The following TOMM34 variants were observed in gnomAD, a reference collection of about 807,000 sequenced individuals.
TOMM34 encodes mitochondrial import receptor subunit TOM34.
Under a neutral mutation model 37.4 loss-of-function variants are expected in TOMM34, and 24 were observed. The observed-to-expected ratio is 0.64, with a 90% CI of 0.46 to 0.90. TOMM34 has a LOEUF of 0.90. Among genes scored for constraint, TOMM34 ranks in the 40% least tolerant of loss-of-function variants. The pLI is 0.00. For synonymous variants in TOMM34, 154 were observed against 148.9 expected, an observed-to-expected ratio of 1.03 and a Z score of -0.25; for missense variants, 304 against 375.6, an observed-to-expected ratio of 0.81 and a Z score of 1.58.
intron 5 of TOMM34, 46 bp from the exon 6 acceptor site, chr20:44,943,625 C>T (rs1314430702): frequency 6.2e-7 from 1 of 1,611,548 alleles, no homozygotes; most frequent in Non-Finnish European, 8.5e-7. Context: ...GTCTTATGGG[C>T]CACCCACATG....
chr20:44,948,874 G>T lies in TOMM34; in HGVS notation c.554C>A (p.Pro185His). 6.2e-7 allele frequency: 1 copy of T among 1,613,644 alleles called. No individual in the cohort carries two copies. Among genetic ancestry groups the T allele is most frequent in the East Asian group, 2.2e-5 (1 of 44,866 alleles). Residue 185 changes from proline to histidine, a missense_variant, in exon 5 of 7, where the codon CCT becomes CAT. Physicochemically the swap from Pro to His is moderately conservative, Grantham distance 77 (BLOSUM62 -2). Coordinates refer to ENST00000372813, the MANE Select transcript of TOMM34 (RefSeq NM_006809.5). ...GGCTTTCTCCACATCCCCAGCAGAAGGCACTAGATACAAATTCAGAAGAGG... is the reference window on the plus strand; with the variant it reads ...GGCTTTCTCCACATCCCCAGCAGAATGCACTAGATACAAATTCAGAAGAGG... ...KETTATKNRVPSAGDVEKARV... is the reference protein window; with the variant it reads ...KETTATKNRVHSAGDVEKARV...
intron 2 of TOMM34, chr20:44,955,488 A>G (rs1191786878): frequency 1.7e-6 from 1 of 583,802 alleles, no homozygotes; most frequent in South Asian, 1.5e-5. Flanking sequence ...CCCAAAATCA[A>G]GAACAAAAGC....
At chr20:44,955,613 T>C (rs1370946234) in intron 2 of TOMM34, 1 of 459,406 alleles carries the variant, frequency 2.2e-6, no homozygotes, top group East Asian at 6.9e-5. Context: ...GCTAACTATG[T>C]GACCCAGGTA....
Position 44,955,448 on chromosome 20 carries a change from AC to A in TOMM34, c.228-229del, listed in dbSNP as rs1298304124. ...CATGAATTTTGTTAAATGTGTGTGC[AC>A]ATGCATCAATTTTCATAGTTTCAGT... On this transcript the variant is annotated intron_variant, in intron 2 of 6. Transcript: ENST00000372813. The A allele has an allele frequency of 1.2e-5, 8 of 655,322 alleles. No individual in the cohort carries two copies. In the East Asian group the frequency reaches 2.4e-4, roughly 20 times the overall value. 40.6% of individuals were successfully genotyped at this position (655,322 alleles called of 1,614,324 possible).
At position 44,951,746 on chromosome 20, in the gene TOMM34, C is replaced by T. The variant is rs2067028083; in HGVS notation, c.550+87G>A. 2.7e-6 allele frequency: 4 copies of T among 1,482,656 alleles called. No homozygotes were observed. The African/African-American group carries it at 5.6e-5, about 21-fold the overall frequency. The allele number at this position is 1,482,656 out of a possible 1,614,324, so 91.8% of individuals were successfully genotyped here. ...TCCTAAGATTATTTTTATAACTCAG[C>T]TAAACAATGCCAATTTTTGCAGGAC... On this transcript the variant is annotated intron_variant, in intron 4 of 6. Transcript: ENST00000372813.
In TOMM34 at chr20:44,960,381, G is replaced by A; in HGVS notation, c.-48C>T. The stretch of plus-strand genomic sequence containing the variant: ...GGGAGCTCCTTCCTTCCTCCCCCGT[G>A]TGGTGCGGCACACCTTCCGGGCGCA... On this transcript the variant is annotated 5_prime_UTR_variant, in exon 1 of 7. Coordinates refer to ENST00000372813, the MANE Select transcript of TOMM34 (RefSeq NM_006809.5). 6.7e-7 allele frequency: 1 copy of A among 1,495,560 alleles called. No homozygotes were observed. The highest frequency in any genetic ancestry group is 8.9e-7 in the Non-Finnish European group (1 of 1,117,724). The allele number at this position is 1,495,560 out of a possible 1,614,324, so 92.6% of individuals were successfully genotyped here.
intron 1 of TOMM34, chr20:44,959,834 T>G (rs76788628): frequency 0.027 from 20,709 of 763,282 alleles, 304 homozygotes; most frequent in Non-Finnish European, 0.031. Context: ...AAGACTCACG[T>G]CCTCCCCACC....
Position 44,960,365 on chromosome 20 carries a change from T to C in TOMM34, c.-32A>G. On this transcript the variant is annotated 5_prime_UTR_variant, in exon 1 of 7. Coordinates refer to ENST00000372813, the MANE Select transcript of TOMM34 (RefSeq NM_006809.5). ...GCCAGGCCGGCGAGTTGGGAGCTCC[T>C]TCCTTCCTCCCCCGTGTGGTGCGGC... The C allele has an allele frequency of 6.5e-7, 1 of 1,532,736 alleles. No individual in the cohort carries two copies. Among genetic ancestry groups the C allele is most frequent in the Non-Finnish European group, 8.8e-7 (1 of 1,136,718 alleles). The allele number at this position is 1,532,736 out of a possible 1,614,324, so 94.9% of individuals were successfully genotyped here.
chr20:44,954,023 C>G (rs2067048985), intron 3 of TOMM34, among the ~76,000 whole-genome samples: 1 of 152,216 alleles, frequency 6.6e-6, no homozygotes, highest in Non-Finnish European at 1.5e-5. Context: ...CCATGTGAAA[C>G]CGACTTCTTA....
chr20:44,957,179 A>G (rs1601150870), intron 1 of TOMM34, among the ~76,000 whole-genome samples: 1 of 152,104 alleles, frequency 6.6e-6, no homozygotes, highest in East Asian at 1.9e-4. Flanking sequence ...TGTGGCCACC[A>G]TGATCTTTAT....
chr20:44,951,819 G>A lies in TOMM34; in HGVS notation c.550+14C>T. The stretch of plus-strand genomic sequence containing the variant: ...GGGAGATTGCAAGACTCTGGGCAGG[G>A]AGTCACAGCTCACCTCTGTTCTTTG... On this transcript the variant is annotated intron_variant, in intron 4 of 6. Coordinates refer to ENST00000372813, the MANE Select transcript of TOMM34 (RefSeq NM_006809.5). The A allele has an allele frequency of 6.2e-7, 1 of 1,609,348 alleles. No homozygotes were observed. The highest frequency in any genetic ancestry group is 8.5e-7 in the Non-Finnish European group (1 of 1,177,100).
chr20:44,960,053 G>A (rs988062914), intron 1 of TOMM34, 154 bp downstream of exon 1: 7 of 985,258 alleles, frequency 7.1e-6, no homozygotes, highest in African/African-American at 1.7e-5. Flanking sequence ...TGGAAAGAAA[G>A]GGCCGAGGAA....
At chr20:44,959,261 C>T (rs779109377) in intron 1 of TOMM34, among the ~76,000 whole-genome samples, 20 of 152,166 alleles carry the variant, frequency 1.3e-4, no homozygotes, top group Non-Finnish European at 2.2e-4. Context: ...CTCACAGAAA[C>T]CAGGATCCAA....
Position 44,951,837 on chromosome 20 carries a change from G to A in TOMM34, c.546C>T (p.Asn182=). The change falls in exon 4 of 7, where the codon AAC becomes AAT. Residue 182 remains asparagine, a synonymous_variant. Transcript: ENST00000372813. ...SKSKETTATK[N]RVPSAGDVEK... is the part of the protein sequence containing the mutation. Reference sequence around the variant, plus strand: ...GGGCAGGGAGTCACAGCTCACCTCTGTTCTTTGTAGCTGTGGTTTCTTTGG... The same window carrying A: ...GGGCAGGGAGTCACAGCTCACCTCTATTCTTTGTAGCTGTGGTTTCTTTGG... 1 of 1,613,678 alleles carries A rather than the reference G, an allele frequency of 6.2e-7. No homozygotes were observed. Among genetic ancestry groups the A allele is most frequent in the African/African-American group, 1.3e-5 (1 of 75,018 alleles).
rs751267785 is a variant in TOMM34 at position 44,960,199 on chromosome 20, G to A, written c.127+8C>T. The A allele has an allele frequency of 5.1e-6, 8 of 1,556,438 alleles. No individual in the cohort carries two copies. The African/African-American group carries it at 5.5e-5, about 11-fold the overall frequency. On this transcript the variant is annotated splice_region_variant and intron_variant, in intron 1 of 6. Coordinates refer to ENST00000372813, the MANE Select transcript of TOMM34 (RefSeq NM_006809.5). ...GGCCCGGAGGTGAGATGGGGGCCGGGGTCGTACCTTGCGCCTGCAGCACCC... is the reference window on the plus strand; with the variant it reads ...GGCCCGGAGGTGAGATGGGGGCCGGAGTCGTACCTTGCGCCTGCAGCACCC...
At chr20:44,959,431 C>T (rs914194724) in intron 1 of TOMM34, among the ~76,000 whole-genome samples, 1 of 152,140 alleles carries the variant, frequency 6.6e-6, no homozygotes, top group Non-Finnish European at 1.5e-5. Flanking sequence ...TCTCCAGTAG[C>T]TTCCCATCCA....
chr20:44,960,355 T>G lies in TOMM34; in HGVS notation c.-22A>C. On this transcript the variant is annotated 5_prime_UTR_variant, in exon 1 of 7. Transcript: ENST00000372813. ...CCATCCCGTGGCCAGGCCGGCGAGTTGGGAGCTCCTTCCTTCCTCCCCCGT... is the reference window on the plus strand; with the variant it reads ...CCATCCCGTGGCCAGGCCGGCGAGTGGGGAGCTCCTTCCTTCCTCCCCCGT... 1 of 1,544,646 alleles carries G rather than the reference T, an allele frequency of 6.5e-7. No homozygotes were observed.
At chr20:44,960,011 G>A (rs1379461486) in intron 1 of TOMM34, 196 bp downstream of exon 1, 1 of 985,108 alleles carries the variant, frequency 1.0e-6, no homozygotes, top group African/African-American at 1.7e-5. Flanking sequence ...AATAACTTAG[G>A]ATGGGGGCCA....
At chr20:44,952,557 C>A in intron 3 of TOMM34, 3 of 716,740 alleles carry the variant, frequency 4.2e-6, no homozygotes, top group Non-Finnish European at 7.8e-6. Context: ...TTTGCACATG[C>A]TTTTTCCTCT....
Sources: gnomAD v4.1 joint callset for allele counts (sites outside exome capture counted in the v4.1 genomes callset) on GRCh38, gnomAD v4.1.1 for gene constraint, MANE v1.5 for transcripts, NCBI Gene and HGNC (gene_info 2026-07-23, HGNC 2026-07-21) for gene names.